Variants in TRPM5 observed in about 807,000 individuals in gnomAD.
TRPM5 encodes MLSN1 and TRP-related.
In TRPM5, 121 loss-of-function variants were observed where a neutral mutation model predicts 124.9. That is an observed-to-expected ratio of 0.97 (90% CI 0.84 to 1.13). TRPM5 has a LOEUF of 1.13. TRPM5 is among the 50% of genes most tolerant of loss of function. The pLI is 0.00. For missense variants in TRPM5, 1,643 were observed against 1,589.1 expected, an observed-to-expected ratio of 1.03 and a Z score of -0.58; for synonymous variants, 781 against 700.5, an observed-to-expected ratio of 1.11 and a Z score of -1.81.
intron 18 of TRPM5, 148 bp from the exon 24 acceptor site, chr11:2,408,060 G>A: frequency 9.2e-7 from 1 of 1,081,150 alleles, no homozygotes; most frequent in Admixed American, 2.8e-5. Flanking sequence ...AGTTCACCCA[G>A]GGCGGCCTGG....
At chr11:2,438,279 A>G in the TRPM5 span, among the ~76,000 whole-genome samples, 3 of 152,326 alleles carry the variant, frequency 2.0e-5, no homozygotes, top group Admixed American at 6.5e-5. The surrounding 1 kb of genome is among the most constrained non-coding windows in gnomAD (Gnocchi z 5.9). Flanking sequence ...GAATAGGAAT[A>G]AGACAAGGAT....
At chr11:2,437,565 C>G in the TRPM5 span, among the ~76,000 whole-genome samples, 7 of 152,290 alleles carry the variant, frequency 4.6e-5, no homozygotes, top group Admixed American at 2.0e-4. This position sits in a 1 kb window ranked among gnomAD's most constrained non-coding sequence, Gnocchi z 5.6. Context: ...CATGTCAAGG[C>G]AGAACTGAAG....
exon 15 of TRPM5, chr11:2,412,805 C>T (rs1472549093): frequency 6.2e-7 from 1 of 1,607,116 alleles, no homozygotes; most frequent in Non-Finnish European, 8.5e-7. Flanking sequence ...AGAGGGTGAC[C>T]TCGGGCCCTG....
In TRPM5 at chr11:2,416,036, G is replaced by T. The variant is rs1243998495; in HGVS notation, c.1010-12C>A. ...GTGGCTCTTGCAGGCTGTGGGCAGA[G>T]CAGGCAGGCACTGGTGAGGGTGGAG... is the stretch of plus-strand genomic sequence containing the variant. On this transcript the variant is annotated splice_polypyrimidine_tract_variant and intron_variant, in intron 7 of 23. Transcript: ENST00000155858. 5 of 1,588,746 alleles carry T rather than the reference G, an allele frequency of 3.1e-6. No individual in the cohort carries two copies. Among genetic ancestry groups the T allele is most frequent in the Non-Finnish European group, 4.3e-6 (5 of 1,165,688 alleles).
At chr11:2,413,406 GGCC>G in intron 13 of TRPM5, 67 bp downstream of exon 18, 1 of 1,456,446 alleles carries the variant, frequency 6.9e-7, no homozygotes, top group Non-Finnish European at 9.3e-7. Context: ...GCGAGGCCCA[GGCC>G]CTCCCCGTAG....
At chr11:2,409,905 C>T (rs968867273) in intron 18 of TRPM5, among the ~76,000 whole-genome samples, 12 of 152,196 alleles carry the variant, frequency 7.9e-5, no homozygotes, top group African/African-American at 2.4e-4. Context: ...TGCCTTCTCC[C>T]GTCGAGAAGG....
intron 4 of TRPM5, among the ~76,000 whole-genome samples, chr11:2,419,564 C>T (rs1041879527): frequency 7.3e-5 from 11 of 149,872 alleles, no homozygotes; most frequent in African/African-American, 2.5e-4. Flanking sequence ...TGCAGTGAGC[C>T]GAGATTGCAC....
intron 7 of TRPM5, among the ~76,000 whole-genome samples, chr11:2,417,171 G>C (rs1332580267): frequency 6.6e-6 from 1 of 152,160 alleles, no homozygotes; most frequent in Non-Finnish European, 1.5e-5. Context: ...CCACTGAATT[G>C]GCTAGTGCGG....
chr11:2,415,905 C>A lies in TRPM5; in HGVS notation c.1128+1G>T, dbSNP rs778650941. Reference sequence around the variant, plus strand: ...GGTGGGTAGGCAGGGCTGGGAGGCACCTTCCACTCCACGTCCCCATTGAAG... The same window carrying A: ...GGTGGGTAGGCAGGGCTGGGAGGCAACTTCCACTCCACGTCCCCATTGAAG... On this transcript the variant is annotated splice_donor_variant, in intron 8 of 23. Coordinates refer to ENST00000155858, the Ensembl canonical transcript of TRPM5. LOFTEE classifies it high-confidence loss of function. 1 of 1,569,502 alleles carries A rather than the reference C, an allele frequency of 6.4e-7. No individual in the cohort carries two copies. The highest frequency in any genetic ancestry group is 8.6e-7 in the Non-Finnish European group (1 of 1,156,348).
At chr11:2,434,548 T>G in the TRPM5 span, among the ~76,000 whole-genome samples, 22,207 of 151,054 alleles carry the variant, frequency 0.15, 1,939 homozygotes, top group Admixed American at 0.22. Context: ...TGAGTGTGTG[T>G]GAGTGTATGT....
At chr11:2,404,830 G>A in exon 24 of TRPM5, 2 of 863,428 alleles carry the variant, frequency 2.3e-6, no homozygotes, top group Non-Finnish European at 3.6e-6. Context: ...CTGCTGGGGG[G>A]CTGGTGCCCC....
At chr11:2,404,013 CAGTG>C (rs375497231), downstream of TRPM5, 458 of 179,216 alleles carry the variant, frequency 2.6e-3, 1 homozygote, top group South Asian at 0.011. Flanking sequence ...ACCCAGGTGA[CAGTG>C]AGAATTGGAA....
At chr11:2,437,232 T>C in the TRPM5 span, among the ~76,000 whole-genome samples, 1 of 152,212 alleles carries the variant, frequency 6.6e-6, no homozygotes, top group Admixed American at 6.5e-5. This position sits in a 1 kb window ranked among gnomAD's most constrained non-coding sequence, Gnocchi z 5.6. Context: ...CAGTCTTCCC[T>C]GGCTGGTTCC....
the TRPM5 span, among the ~76,000 whole-genome samples, chr11:2,444,411 T>C: frequency 4.0e-5 from 6 of 151,650 alleles, no homozygotes; most frequent in Non-Finnish European, 2.9e-5. Context: ...TTCTCGGTCG[T>C]GGTATCGGCC....
the TRPM5 span, among the ~76,000 whole-genome samples, chr11:2,429,826 G>C: frequency 2.0e-5 from 3 of 152,066 alleles, no homozygotes; most frequent in Non-Finnish European, 4.4e-5. The surrounding 1 kb of genome is among the most constrained non-coding windows in gnomAD (Gnocchi z 8.4). Flanking sequence ...ATGTGTCAAA[G>C]GCGGGACCAG....
upstream of TRPM5, among the ~76,000 whole-genome samples, chr11:2,423,400 G>A (rs1387827491): frequency 6.6e-6 from 1 of 152,208 alleles, no homozygotes; most frequent in Non-Finnish European, 1.5e-5. Flanking sequence ...GAGGCCTTTT[G>A]TGGGGATGAC....
chr11:2,409,877 C>T (rs573139796), intron 18 of TRPM5, among the ~76,000 whole-genome samples: 203 of 152,334 alleles, frequency 1.3e-3, no homozygotes, highest in African/African-American at 4.6e-3. Context: ...GCAGGGGCCC[C>T]TCGGGAGTCT....
intron 3 of TRPM5, among the ~76,000 whole-genome samples, chr11:2,420,820 G>C (rs1845761216): frequency 6.6e-6 from 1 of 152,188 alleles, no homozygotes; most frequent in South Asian, 2.1e-4. Flanking sequence ...GGCCCGTGTG[G>C]TACAGGAGGG....
At chr11:2,443,826 C>CCT in the TRPM5 span, among the ~76,000 whole-genome samples, 1,149 of 148,986 alleles carry the variant, frequency 7.7e-3, 12 homozygotes, top group African/African-American at 0.026. This position sits in a 1 kb window ranked among gnomAD's most constrained non-coding sequence, Gnocchi z 5.0. Context: ...GCCCCCCACC[C>CCT]CCCCCCCAAG....
Sources: allele counts gnomAD v4.1 joint callset (sites outside exome capture counted in the v4.1 genomes callset), GRCh38; gene constraint gnomAD v4.1.1; non-coding constraint Gnocchi (gnomAD v3.1); transcripts MANE v1.5; gene names NCBI Gene and HGNC (gene_info 2026-07-23, HGNC 2026-07-21).